The following REV3L variants were observed in gnomAD, a reference collection of about 807,000 sequenced individuals.
REV3L encodes DNA polymerase zeta catalytic subunit.
In REV3L, 69 loss-of-function variants were observed where a neutral mutation model predicts 299.4. The ratio of observed to expected loss-of-function variants is 0.23; its 90% CI spans 0.19 to 0.28. The LOEUF (loss-of-function observed/expected upper bound fraction) is 0.28. Ranked by LOEUF, REV3L falls within the 10% of genes least tolerant of loss-of-function variation. REV3L has a pLI of 1.00. For synonymous variants in REV3L, 1,238 were observed against 1,271.4 expected, an observed-to-expected ratio of 0.97 and a Z score of 0.56; for missense variants, 3,128 against 3,693.8, an observed-to-expected ratio of 0.85 and a Z score of 3.97.
At position 111,358,811 on chromosome 6, in the gene REV3L, A is replaced by C. The variant is rs1286838355; in HGVS notation, c.7072+11T>G. The C allele has an allele frequency of 1.3e-6, 2 of 1,594,384 alleles. No homozygotes were observed. Among genetic ancestry groups the C allele is most frequent in the Non-Finnish European group, 1.7e-6 (2 of 1,166,034 alleles). ...GTGGGCAGGTATATCATTAATAAAA[A>C]TGGACAATACCTTGACTGAAAACTG... is the stretch of plus-strand genomic sequence containing the variant. On this transcript the variant is annotated intron_variant, in intron 17 of 31. Coordinates refer to ENST00000368802, the MANE Select transcript of REV3L (RefSeq NM_001372078.1).
intron 1 of REV3L, among the ~76,000 whole-genome samples, chr6:111,481,096 T>G (rs1286332958): frequency 6.6e-6 from 1 of 152,230 alleles, no homozygotes; most frequent in Non-Finnish European, 1.5e-5. Flanking sequence ...ATGACTTGTG[T>G]GGAGGAGAAA....
At chr6:111,465,766 A>AAAAAAAT (rs1275298445) in intron 1 of REV3L, among the ~76,000 whole-genome samples, 1 of 150,330 alleles carries the variant, frequency 6.7e-6, no homozygotes. Context: ...AAAAAAAAAA[A>AAAAAAAT]CTTTGTTTAA....
intron 31 of REV3L, among the ~76,000 whole-genome samples, chr6:111,305,894 C>T (rs1772233287): frequency 6.6e-6 from 1 of 152,196 alleles, no homozygotes; most frequent in African/African-American, 2.4e-5. Context: ...CACCCAGTGA[C>T]TTCAGTGGTT....
chr6:111,354,441 T>C (rs964838833), intron 18 of REV3L, among the ~76,000 whole-genome samples: 3 of 152,184 alleles, frequency 2.0e-5, no homozygotes, highest in Admixed American at 1.3e-4. Flanking sequence ...AAAGTTACCC[T>C]GCGCTTCTCA....
chr6:111,302,141 T>C (rs1771629398), intron 31 of REV3L, among the ~76,000 whole-genome samples: 1 of 152,246 alleles, frequency 6.6e-6, no homozygotes, highest in African/African-American at 2.4e-5. Flanking sequence ...GACTGGTTAC[T>C]GTATCCAATA....
At chr6:111,388,473 A>G (rs1781565544) in intron 7 of REV3L, among the ~76,000 whole-genome samples, 1 of 152,230 alleles carries the variant, frequency 6.6e-6, no homozygotes, top group South Asian at 2.1e-4. Context: ...AATAATTTTA[A>G]TTGAACTTCA....
In REV3L at chr6:111,438,831, A is replaced by G. The variant is rs141400110; in HGVS notation, c.140-22359T>C. The stretch of plus-strand genomic sequence containing the variant: ...CAAAATGATAAATCATAAAAATCCA[A>G]AGTCCAAAGCTTTGGGCAAAAACAC... On this transcript the variant is annotated intron_variant, in intron 1 of 31. Coordinates refer to ENST00000368802, the MANE Select transcript of REV3L (RefSeq NM_001372078.1). 6.6e-5 allele frequency among the ~76,000 whole-genome samples: 10 copies of G among 152,286 alleles called. No homozygotes were observed. In the East Asian group the frequency reaches 1.9e-3, roughly 29 times the overall value.
At chr6:111,398,344 T>C (rs2128264504) in intron 4 of REV3L, among the ~76,000 whole-genome samples, 1 of 152,022 alleles carries the variant, frequency 6.6e-6, no homozygotes, top group Non-Finnish European at 1.5e-5. Flanking sequence ...AATGAGGATG[T>C]TAAAAAAATA....
intron 25 of REV3L, among the ~76,000 whole-genome samples, chr6:111,326,278 A>G (rs1354420928): frequency 6.6e-6 from 1 of 152,146 alleles, no homozygotes; most frequent in African/African-American, 2.4e-5. Context: ...AACTCAAACA[A>G]CTCAGTAGGA....
chr6:111,339,173 G>A (rs576415746), intron 21 of REV3L, among the ~76,000 whole-genome samples: 4 of 152,122 alleles, frequency 2.6e-5, no homozygotes, highest in Admixed American at 6.5e-5. Flanking sequence ...AAAGAAAGAC[G>A]TACCAATTAA....
At position 111,468,324 on chromosome 6, in the gene REV3L, A is replaced by C. The variant is rs151061165; in HGVS notation, c.139+14426T>G. ...ATGAAATGAAAAAAAGATACTACTT[A>C]AATAAAAAGTAATCTACCATAAGAA... On this transcript the variant is annotated intron_variant, in intron 1 of 31. Transcript: ENST00000368802. Among the ~76,000 whole-genome samples, 110 of 152,342 alleles carry C rather than the reference A, an allele frequency of 7.2e-4. 1 individual carries two copies. The East Asian group carries it at 0.018, about 25-fold the overall frequency.
chr6:111,302,871 C>G (rs1460105035), intron 31 of REV3L, among the ~76,000 whole-genome samples: 1 of 152,208 alleles, frequency 6.6e-6, no homozygotes, highest in Admixed American at 6.5e-5. Context: ...CAACTACACT[C>G]CAGCCTGGGC....
At chr6:111,423,406 T>C (rs1785797323) in intron 1 of REV3L, among the ~76,000 whole-genome samples, 1 of 151,836 alleles carries the variant, frequency 6.6e-6, no homozygotes, top group Non-Finnish European at 1.5e-5. Flanking sequence ...TACAGAAACC[T>C]GACAGCAACA....
intron 1 of REV3L, among the ~76,000 whole-genome samples, chr6:111,465,296 G>A (rs1791317775): frequency 6.6e-6 from 1 of 150,972 alleles, no homozygotes; most frequent in Admixed American, 6.6e-5. Context: ...GGCTAGGCTG[G>A]TCTCAAACTT....
intron 26 of REV3L, among the ~76,000 whole-genome samples, chr6:111,315,791 A>G (rs752082677): frequency 7.9e-5 from 12 of 152,316 alleles, no homozygotes; most frequent in South Asian, 2.1e-4. Context: ...CATGAACCCT[A>G]TTGTGAACTG....
Position 111,376,393 on chromosome 6 carries a change from G to T in REV3L, c.1962C>A (p.Ser654=). ...CATAATCAAAAATACTACTTTCACA[G>T]GAAGATACTGGGAGGATCTCTTTCT... ...NSKKEILPVS[S]CESSIFDYEE... Residue 654 remains serine, a synonymous_variant, in exon 13 of 32, where the codon TCC becomes TCA. Coordinates refer to ENST00000368802, the MANE Select transcript of REV3L (RefSeq NM_001372078.1). 6.2e-7 allele frequency: 1 copy of T among 1,613,264 alleles called. No homozygotes were observed. The highest frequency in any genetic ancestry group is 1.1e-5 in the South Asian group (1 of 90,866).
chr6:111,390,095 C>G lies in REV3L; in HGVS notation c.748G>C (p.Asp250His). 5 of 1,600,692 alleles carry G rather than the reference C, an allele frequency of 3.1e-6. No homozygotes were observed. The highest frequency in any genetic ancestry group is 3.4e-6 in the Non-Finnish European group (4 of 1,168,144). ...ATAATTGTGTATGAACCTTCAATGTCCAGACGATTTAAGATATCAGCAGCT... is the reference window on the plus strand; with the variant it reads ...ATAATTGTGTATGAACCTTCAATGTGCAGACGATTTAAGATATCAGCAGCT... ...AVAADILNRL[D>H]IEAQIGGNPG... The change falls in exon 6 of 32, where the codon GAC becomes CAC. Residue 250 changes from aspartate (D) to histidine (H), a missense_variant. This residue lies in a region of REV3L where 2,409 missense variants were observed against 2,611.8 expected (regional missense o/e 0.92). Transcript: ENST00000368802.
At chr6:111,313,619 C>A in intron 27 of REV3L, 130 bp from the exon 28 acceptor site, 3 of 872,118 alleles carry the variant, frequency 3.4e-6, no homozygotes, top group South Asian at 2.1e-5. Context: ...GACTTTGGGC[C>A]CAACAAATTC....
At chr6:111,402,680 T>C (rs1047728177) in intron 4 of REV3L, among the ~76,000 whole-genome samples, 2 of 152,052 alleles carry the variant, frequency 1.3e-5, no homozygotes, top group African/African-American at 4.8e-5. Flanking sequence ...TTGGGTATGG[T>C]AGAAGAAATG....
Sources: allele counts gnomAD v4.1 joint callset (sites outside exome capture counted in the v4.1 genomes callset), GRCh38; gene constraint gnomAD v4.1.1; regional missense constraint gnomAD v4.1.1; transcripts MANE v1.5; gene names NCBI Gene and HGNC (gene_info 2026-07-23, HGNC 2026-07-21).